Variants in NLGN4X observed in about 807,000 individuals in gnomAD.
The protein encoded by NLGN4X is neuroligin-4, X-linked.
Under a neutral mutation model 40.3 loss-of-function variants are expected in NLGN4X, and 3 were observed. The observed-to-expected ratio is 0.07, with a 90% CI of 0.03 to 0.19. The LOEUF (loss-of-function observed/expected upper bound fraction) is 0.19, where lower values mean the gene tolerates loss of function less well. Ranked by LOEUF, NLGN4X falls within the 10% of genes least tolerant of loss-of-function variation. NLGN4X has a pLI of 1.00. For missense variants in NLGN4X, 382 were observed against 708.3 expected, an observed-to-expected ratio of 0.54 and a Z score of 5.23; for synonymous variants, 270 against 306.8, an observed-to-expected ratio of 0.88 and a Z score of 1.25.
intron 2 of NLGN4X, among the ~76,000 whole-genome samples, chrX:6,103,658 A>C (rs1454621695): frequency 8.9e-6 from 1 of 111,934 alleles, no homozygotes; most frequent in Non-Finnish European, 1.9e-5. Flanking sequence ...CATTACATAG[A>C]GCTTTCCTGC....
chrX:5,929,043 G>C (rs1261480880), intron 3 of NLGN4X, among the ~76,000 whole-genome samples: 1 of 109,531 alleles, frequency 9.1e-6, no homozygotes, highest in Admixed American at 9.7e-5. Context: ...AAAATGCAAT[G>C]ATTATTATTT....
At chrX:6,117,013 T>C (rs1461020145) in intron 2 of NLGN4X, among the ~76,000 whole-genome samples, 1 of 111,470 alleles carries the variant, frequency 9.0e-6, no homozygotes, top group Non-Finnish European at 1.9e-5. Context: ...AAATTTTTCT[T>C]CATTATTTGG....
At chrX:5,975,347 G>C (rs2035142237) in intron 3 of NLGN4X, among the ~76,000 whole-genome samples, 1 of 111,152 alleles carries the variant, frequency 9.0e-6, no homozygotes, top group African/African-American at 3.3e-5. Flanking sequence ...GTGGTGACAT[G>C]TACCTGTAAT....
chrX:6,031,188 G>A (rs185653026), intron 2 of NLGN4X, among the ~76,000 whole-genome samples: 6 of 112,136 alleles, frequency 5.4e-5, no homozygotes, highest in Admixed American at 9.5e-5. Flanking sequence ...TCTAATTATC[G>A]AGAGGAAATG....
At chrX:6,179,613 G>A (rs1921211532) in intron 1 of NLGN4X, among the ~76,000 whole-genome samples, 1 of 112,232 alleles carries the variant, frequency 8.9e-6, no homozygotes, top group African/African-American at 3.2e-5. Flanking sequence ...AGTGTGTGCT[G>A]ACTGTGATGT....
intron 1 of NLGN4X, among the ~76,000 whole-genome samples, chrX:6,163,372 AAAGATACACCAATC>A (rs755254753): frequency 8.9e-6 from 1 of 112,483 alleles, no homozygotes; most frequent in African/African-American, 3.2e-5. Context: ...GATAAAATGT[AAAGATACACCAATC>A]AAGTACCCAT....
At chrX:6,006,930 A>G (rs1234641701) in intron 3 of NLGN4X, among the ~76,000 whole-genome samples, 1 of 111,252 alleles carries the variant, frequency 9.0e-6, no homozygotes, top group Non-Finnish European at 1.9e-5. Flanking sequence ...CATTTGGCCC[A>G]GCAATCCCAC....
At chrX:6,212,885 A>T (rs1924741117) in intron 1 of NLGN4X, among the ~76,000 whole-genome samples, 2 of 112,245 alleles carry the variant, frequency 1.8e-5, no homozygotes, top group Non-Finnish European at 3.8e-5. Flanking sequence ...AGCCCAAAGC[A>T]TATCTAAAAT....
intron 2 of NLGN4X, among the ~76,000 whole-genome samples, chrX:6,134,821 T>C (rs984920488): frequency 7.1e-5 from 8 of 112,508 alleles, no homozygotes; most frequent in Non-Finnish European, 1.3e-4. Flanking sequence ...AGAAGTCTAC[T>C]GAGCAGAAAG....
chrX:6,074,253 C>T (rs755061377), intron 2 of NLGN4X, among the ~76,000 whole-genome samples: 3 of 111,144 alleles, frequency 2.7e-5, no homozygotes, highest in African/African-American at 9.8e-5. Context: ...GCATTGAAGT[C>T]CCAGCCTTCA....
At chrX:6,197,322 T>C in intron 1 of NLGN4X, among the ~76,000 whole-genome samples, 1 of 110,726 alleles carries the variant, frequency 9.0e-6, no homozygotes, top group Non-Finnish European at 1.9e-5. Flanking sequence ...AGTGCAACGG[T>C]GCAACCTTGG....
Position 6,197,427 on chromosome X carries a change from A to AT in NLGN4X, c.-306+31113dup, listed in dbSNP as rs72412595. Among the ~76,000 whole-genome samples, 724 of 79,428 alleles carry AT rather than the reference A, an allele frequency of 9.1e-3. 5 individuals are homozygous for AT. Among genetic ancestry groups the AT allele is most frequent in the African/African-American group, 0.023 (572 of 25,300 alleles). 69.0% of individuals were successfully genotyped at this position (79,428 alleles called of 115,157 possible). Reference sequence around the variant, plus strand: ...CAGGCATGCACCACCATGCTCAGCTATTTTTTTTTTTTTTTGTATTTTTTA... The same window carrying AT: ...CAGGCATGCACCACCATGCTCAGCTATTTTTTTTTTTTTTTTGTATTTTTTA... On this transcript the variant is annotated intron_variant, in intron 1 of 5. Coordinates refer to ENST00000381095, the MANE Select transcript of NLGN4X (RefSeq NM_181332.3).
chrX:6,094,114 A>G (rs956140590), intron 2 of NLGN4X, among the ~76,000 whole-genome samples: 1 of 111,449 alleles, frequency 9.0e-6, no homozygotes, highest in African/African-American at 3.3e-5. Flanking sequence ...CGTCACACAA[A>G]TCTCACTTAA....
chrX:6,081,291 A>C (rs1438630592), intron 2 of NLGN4X, among the ~76,000 whole-genome samples: 1 of 111,517 alleles, frequency 9.0e-6, no homozygotes, highest in East Asian at 2.8e-4. Context: ...CTTTCTCAAA[A>C]AAAATTGTAG....
At chrX:6,012,166 A>T (rs2036270337) in intron 3 of NLGN4X, among the ~76,000 whole-genome samples, 1 of 112,572 alleles carries the variant, frequency 8.9e-6, no homozygotes, top group Admixed American at 9.4e-5. Flanking sequence ...CCAAGGTAAA[A>T]GGTTTTGCTT....
At chrX:6,138,547 T>C (rs2039873643) in intron 2 of NLGN4X, among the ~76,000 whole-genome samples, 1 of 112,003 alleles carries the variant, frequency 8.9e-6, no homozygotes, top group East Asian at 2.8e-4. Context: ...ACAGGTTTAT[T>C]CATTTGTTCC....
intron 2 of NLGN4X, among the ~76,000 whole-genome samples, chrX:6,102,073 G>A (rs1012307428): frequency 9.0e-6 from 1 of 111,495 alleles, no homozygotes; most frequent in African/African-American, 3.3e-5. Flanking sequence ...GCCTCCCAAA[G>A]TGATGGGATT....
At chrX:6,038,005 T>A (rs2037064007) in intron 2 of NLGN4X, among the ~76,000 whole-genome samples, 1 of 111,739 alleles carries the variant, frequency 8.9e-6, no homozygotes, top group Non-Finnish European at 1.9e-5. Flanking sequence ...CAGTCCCGAC[T>A]AAGACAGGTA....
At chrX:5,977,540 T>C (rs1280392318) in intron 3 of NLGN4X, among the ~76,000 whole-genome samples, 1 of 111,026 alleles carries the variant, frequency 9.0e-6, no homozygotes, top group Non-Finnish European at 1.9e-5. Flanking sequence ...TTAATTATTA[T>C]TATTATTATT....
Sources: gnomAD v4.1 joint callset for allele counts (sites outside exome capture counted in the v4.1 genomes callset) on GRCh38, gnomAD v4.1.1 for gene constraint, MANE v1.5 for transcripts, NCBI Gene and HGNC (gene_info 2026-07-23, HGNC 2026-07-21) for gene names.